Variants in LRP1 observed in about 807,000 individuals in gnomAD.
LRP1 encodes the protein prolow-density lipoprotein receptor-related protein 1.
In LRP1, 51 loss-of-function variants were observed where a neutral mutation model predicts 541.5. That is an observed-to-expected ratio of 0.09 (90% CI 0.08 to 0.12). LRP1 has a LOEUF of 0.12. Among genes scored for constraint, LRP1 ranks in the 10% least tolerant of loss-of-function variants. LRP1 has a pLI of 1.00. For synonymous variants in LRP1, 2,219 were observed against 2,470.8 expected, an observed-to-expected ratio of 0.90 and a Z score of 3.02; for missense variants, 3,878 against 6,376.2, an observed-to-expected ratio of 0.61 and a Z score of 13.34.
At position 57,173,087 on chromosome 12, in the gene LRP1, C is replaced by A; in HGVS notation, c.3164-81C>A. 8.1e-7 allele frequency: 1 copy of A among 1,239,806 alleles called. No individual in the cohort carries two copies. Among genetic ancestry groups the A allele is most frequent in the Non-Finnish European group, 1.1e-6 (1 of 892,978 alleles). 76.8% of individuals were successfully genotyped at this position (1,239,806 alleles called of 1,614,324 possible). A position where few individuals can be genotyped will look rare whatever the true frequency, so the allele number is the denominator to read the frequency against. ...TGCTCATATCCCCAGGCTGGGCTTA[C>A]CGGGGTGGCAGGGCACAGGGATGAG... On this transcript the variant is annotated intron_variant, in intron 20 of 88. Transcript: ENST00000243077. This position sits in a 1 kb window ranked among gnomAD's most constrained non-coding sequence, Gnocchi z 4.7.
intron 1 of LRP1, among the ~76,000 whole-genome samples, chr12:57,137,905 T>A (rs2035207150): frequency 6.6e-6 from 1 of 151,974 alleles, no homozygotes; most frequent in African/African-American, 2.4e-5. Flanking sequence ...CAACTACTAC[T>A]GTGTGTGCCA....
Position 57,195,703 on chromosome 12 carries a change from G to C in LRP1, c.8483G>C (p.Arg2828Pro). 1 of 1,614,116 alleles carries C rather than the reference G, an allele frequency of 6.2e-7. No individual in the cohort carries two copies. The highest frequency in any genetic ancestry group is 1.3e-5 in the African/African-American group (1 of 75,016). Residue 2828 changes from arginine (R) to proline (P), a missense_variant, in exon 53 of 89, where the codon CGC becomes CCC. By Grantham distance (103) the Arg-to-Pro change is moderately radical. Coordinates refer to ENST00000243077, the MANE Select transcript of LRP1 (RefSeq NM_002332.3). Reference sequence around the variant, plus strand: ...GACCGTGAGTTCATGTGCCAGAACCGCCAGTGCATCCCCAAGCACTTCGTG... The same window carrying C: ...GACCGTGAGTTCATGTGCCAGAACCCCCAGTGCATCCCCAAGCACTTCGTG... The part of the protein sequence containing the change: ...CDDREFMCQN[R>P]QCIPKHFVCD...
At chr12:57,200,188 T>C (rs941987545) in intron 62 of LRP1, 163 bp downstream of exon 62, 12 of 661,148 alleles carry the variant, frequency 1.8e-5, no homozygotes, top group Non-Finnish European at 3.1e-5. Flanking sequence ...ACAGCAATAC[T>C]TTTACCCCCG....
chr12:57,149,647 G>T (rs2035487373), intron 6 of LRP1: 4 of 718,742 alleles, frequency 5.6e-6, no homozygotes, highest in Non-Finnish European at 1.0e-5. Flanking sequence ...GCAGGGGAAG[G>T]TAGCAGGACA....
At chr12:57,194,187 G>T (rs546913639) in intron 48 of LRP1, among the ~76,000 whole-genome samples, 167 bp from the exon 49 acceptor site, 2 of 152,320 alleles carry the variant, frequency 1.3e-5, no homozygotes, top group African/African-American at 4.8e-5. Flanking sequence ...CTGGGCTCTC[G>T]TGGGGTTCCG....
Position 57,150,908 on chromosome 12 carries a change from T to C in LRP1, c.842-3300T>C, listed in dbSNP as rs536950857. Among the ~76,000 whole-genome samples, 16 of 151,336 alleles carry C rather than the reference T, an allele frequency of 1.1e-4. No individual in the cohort carries two copies. In the South Asian group the frequency reaches 2.5e-3, roughly 24 times the overall value. ...GGACCCAGGGCAGAGCAGAATGATATGAGGAGAGGTGGGGAGGTTCCTGGA... is the reference window on the plus strand; with the variant it reads ...GGACCCAGGGCAGAGCAGAATGATACGAGGAGAGGTGGGGAGGTTCCTGGA... On this transcript the variant is annotated intron_variant, in intron 6 of 88. Transcript: ENST00000243077.
rs749031839 is a variant in LRP1 at position 57,195,703 on chromosome 12, G to T, written c.8483G>T (p.Arg2828Leu). The change falls in exon 53 of 89, where the codon CGC becomes CTC. Residue 2828 changes from arginine to leucine, a missense_variant. Around this residue, in one of 13 missense-constraint regions of LRP1, gnomAD observed 1,100 missense variants for 1,827.4 expected, o/e 0.60. Coordinates refer to ENST00000243077, the MANE Select transcript of LRP1 (RefSeq NM_002332.3). Reference sequence around the variant, plus strand: ...GACCGTGAGTTCATGTGCCAGAACCGCCAGTGCATCCCCAAGCACTTCGTG... The same window carrying T: ...GACCGTGAGTTCATGTGCCAGAACCTCCAGTGCATCCCCAAGCACTTCGTG... ...CDDREFMCQN[R>L]QCIPKHFVCD... 4 of 1,614,116 alleles carry T rather than the reference G, an allele frequency of 2.5e-6. No individual in the cohort carries two copies. Among genetic ancestry groups the T allele is most frequent in the Non-Finnish European group, 3.4e-6 (4 of 1,180,016 alleles).
intron 2 of LRP1, among the ~76,000 whole-genome samples, 154 bp from the exon 3 acceptor site, chr12:57,141,220 A>G (rs1264306797): frequency 1.3e-5 from 2 of 152,088 alleles, no homozygotes; most frequent in Non-Finnish European, 1.5e-5. Context: ...TGTGGGGAAT[A>G]TTGTAAAAGA....
At chr12:57,149,441 T>A (rs1162387073) in intron 6 of LRP1, 1 of 584,346 alleles carries the variant, frequency 1.7e-6, no homozygotes, top group East Asian at 2.9e-5. Context: ...CTCCTTGAAA[T>A]TGCCTCTCCA....
In LRP1 at chr12:57,184,383, T is replaced by C; in HGVS notation, c.6117T>C (p.Asp2039=). 6.2e-7 allele frequency: 1 copy of C among 1,614,212 alleles called. No homozygotes were observed. The part of the protein sequence containing the change: ...QYPRIERSRL[D]GTERVVLVNV... ...CGCGTATTGAGCGGTCTCGGCTAGA[T>C]GGCACGGAGCGTGTGGTGCTGGTCA... Residue 2039 remains aspartate (D), a synonymous_variant, in exon 38 of 89, where the codon GAT becomes GAC. Coordinates refer to ENST00000243077, the MANE Select transcript of LRP1 (RefSeq NM_002332.3). This position sits in a 1 kb window ranked among gnomAD's most constrained non-coding sequence, Gnocchi z 7.8.
In LRP1 at chr12:57,197,495, G is replaced by A; in HGVS notation, c.9163-50G>A. On this transcript the variant is annotated intron_variant, in intron 57 of 88. Transcript: ENST00000243077. The surrounding 1 kb of genome is among the most constrained non-coding windows in gnomAD (Gnocchi z 4.5). ...CATCCCTCCCCCAGATGCAAATGTG[G>A]CCCCTGTTGCCACAACCGACTTCTG... The A allele has an allele frequency of 6.2e-7, 1 of 1,613,538 alleles. No homozygotes were observed. Among genetic ancestry groups the A allele is most frequent in the Non-Finnish European group, 8.5e-7 (1 of 1,179,798 alleles).
intron 6 of LRP1, among the ~76,000 whole-genome samples, chr12:57,147,187 G>A (rs1298857502): frequency 1.3e-5 from 2 of 151,048 alleles, no homozygotes; most frequent in African/African-American, 2.4e-5. Context: ...TAAATGAGTG[G>A]GTTTCTCTCA....
At position 57,158,607 on chromosome 12, in the gene LRP1, T is replaced by C; in HGVS notation, c.1767T>C (p.Asp589=). 6.2e-7 allele frequency: 1 copy of C among 1,614,116 alleles called. No homozygotes were observed. The highest frequency in any genetic ancestry group is 8.5e-7 in the Non-Finnish European group (1 of 1,180,014). Residue 589 remains aspartate, a synonymous_variant, in exon 11 of 89, where the codon GAT becomes GAC. Transcript: ENST00000243077. This position sits in a 1 kb window ranked among gnomAD's most constrained non-coding sequence, Gnocchi z 5.3. The stretch of plus-strand genomic sequence containing the variant: ...ACCTCATTGGCCGCCAGAAGATTGA[T>C]GGCACTGAGCGGGAGACCATCCTGA... ...TSYLIGRQKI[D]GTERETILKD...
At chr12:57,194,806 C>A in intron 50 of LRP1, 107 bp downstream of exon 50, 2 of 1,385,144 alleles carry the variant, frequency 1.4e-6, no homozygotes, top group Non-Finnish European at 2.0e-6. Flanking sequence ...GAGCCTTCAA[C>A]CCCCTGCCCC....
At chr12:57,160,830 A>T in intron 12 of LRP1, 63 bp from the exon 13 acceptor site, 1 of 1,313,064 alleles carries the variant, frequency 7.6e-7, no homozygotes, top group Non-Finnish European at 1.1e-6. Flanking sequence ...ATGGATTGGG[A>T]TCACAGGGGA....
In LRP1 at chr12:57,210,733, G is replaced by A; in HGVS notation, c.12770G>A (p.Arg4257Gln). The A allele has an allele frequency of 1.2e-6, 2 of 1,609,398 alleles. No homozygotes were observed. Among genetic ancestry groups the A allele is most frequent in the Non-Finnish European group, 1.7e-6 (2 of 1,176,588 alleles). Residue 4257 changes from arginine (R) to glutamine (Q), a missense_variant, in exon 83 of 89, where the codon CGG becomes CAG. Physicochemically the swap from Arg to Gln is conservative, Grantham distance 43. Coordinates refer to ENST00000243077, the MANE Select transcript of LRP1 (RefSeq NM_002332.3). Reference protein sequence around the residue: ...AASPSGMPTCRCPTGFTGPKC... With the variant: ...AASPSGMPTCQCPTGFTGPKC... ...CTCCCACCAGGCATGCCCACGTGCCGGTGCCCCACGGGCTTCACGGGCCCC... is the reference window on the plus strand; with the variant it reads ...CTCCCACCAGGCATGCCCACGTGCCAGTGCCCCACGGGCTTCACGGGCCCC...
rs2036568954 is a variant in LRP1, at chr12:57,197,750, C to T, written c.9282+86C>T. The T allele has an allele frequency of 2.0e-6, 3 of 1,516,444 alleles. No individual in the cohort carries two copies. The highest frequency in any genetic ancestry group is 2.7e-6 in the Non-Finnish European group (3 of 1,118,394). 93.9% of individuals were successfully genotyped at this position (1,516,444 alleles called of 1,614,324 possible). A position where few individuals can be genotyped will look rare whatever the true frequency, so the allele number is the denominator to read the frequency against. ...GTCTCTCCTTCCCGCCCCACCAACCCAAATTGCTTCCTTCTCACTCCACTA... is the reference window on the plus strand; with the variant it reads ...GTCTCTCCTTCCCGCCCCACCAACCTAAATTGCTTCCTTCTCACTCCACTA... On this transcript the variant is annotated intron_variant, in intron 58 of 88. Transcript: ENST00000243077. This position sits in a 1 kb window ranked among gnomAD's most constrained non-coding sequence, Gnocchi z 4.5.
rs1199076186 is a variant in LRP1 at position 57,196,131 on chromosome 12, C to T, written c.8746C>T (p.Arg2916Cys). Residue 2916 changes from arginine (R) to cysteine (C), a missense_variant, in exon 55 of 89, where the codon CGC (arginine) becomes TGC (cysteine). Around this residue, in one of 13 missense-constraint regions of LRP1, gnomAD observed 1,100 missense variants for 1,827.4 expected, o/e 0.60. Transcript: ENST00000243077. ...GTCACAGTTCCTGTGCAGCAGTGGG[C>T]GCTGTGTGGCTGAGGCACTGCTCTG... is the stretch of plus-strand genomic sequence containing the variant. ...ASSQFLCSSGRCVAEALLCNG... is the reference protein window; with the variant it reads ...ASSQFLCSSGCCVAEALLCNG... The T allele has an allele frequency of 1.9e-6, 3 of 1,609,648 alleles. No homozygotes were observed. The highest frequency in any genetic ancestry group is 2.5e-6 in the Non-Finnish European group (3 of 1,176,780).
Position 57,212,165 on chromosome 12 carries a change from G to A in LRP1, c.13398G>A (p.Val4466=). ...HQRMTNGAMN[V]EIGNPTYKMY... is the part of the protein sequence containing the mutation. The stretch of plus-strand genomic sequence containing the variant: ...GGATGACCAACGGGGCCATGAACGT[G>A]GAGATTGGAAACCCCACCTACAAGA... Residue 4466 remains valine, a synonymous_variant, in exon 88 of 89, where the codon GTG becomes GTA. Transcript: ENST00000243077. This position sits in a 1 kb window ranked among gnomAD's most constrained non-coding sequence, Gnocchi z 5.0. 6.2e-7 allele frequency: 1 copy of A among 1,614,034 alleles called. No homozygotes were observed.
Sources: allele counts gnomAD v4.1 joint callset (sites outside exome capture counted in the v4.1 genomes callset), GRCh38; gene constraint gnomAD v4.1.1; regional missense constraint gnomAD v4.1.1; non-coding constraint Gnocchi (gnomAD v3.1); transcripts MANE v1.5; gene names NCBI Gene and HGNC (gene_info 2026-07-23, HGNC 2026-07-21).